The following KIF1B variants were observed in gnomAD, a reference collection of about 807,000 sequenced individuals.
The protein encoded by KIF1B is kinesin family member 1B.
In KIF1B, 76 loss-of-function variants were observed where a neutral mutation model predicts 241.9. That is an observed-to-expected ratio of 0.31 (90% CI 0.26 to 0.38). The LOEUF is 0.38. Ranked by LOEUF, KIF1B falls within the 10% of genes least tolerant of loss-of-function variation. The probability of loss-of-function intolerance (pLI) is 1.00; values close to 1 mark genes in which losing one functional copy is unlikely to be tolerated. For synonymous variants in KIF1B, 750 were observed against 796.7 expected (o/e 0.94, Z 0.99); for missense variants, 1,622 against 2,271.4 (o/e 0.71, Z 5.81).
At chr1:10,259,489 A>AT (rs1337703462) in intron 4 of KIF1B, among the ~76,000 whole-genome samples, 7 of 142,120 alleles carry the variant, frequency 4.9e-5, no homozygotes, top group Non-Finnish European at 9.1e-5. Flanking sequence ...TCATTTTTAA[A>AT]TTAAAAAAAA....
At chr1:10,373,124 TA>T (rs577253520) in intron 45 of KIF1B, among the ~76,000 whole-genome samples, 2 of 151,728 alleles carry the variant, frequency 1.3e-5, no homozygotes, top group African/African-American at 2.4e-5. Context: ...CACACCCAGC[TA>T]ATTTTTTGTA....
At chr1:10,352,558 CT>C (rs1652831822) in intron 37 of KIF1B, 72 bp from the exon 38 acceptor site, 2 of 1,327,714 alleles carry the variant, frequency 1.5e-6, no homozygotes, top group Admixed American at 1.7e-5. Context: ...TTAAAAGTCT[CT>C]TTTGGGCTTA....
chr1:10,302,408 G>A (rs1650587131), intron 22 of KIF1B, among the ~76,000 whole-genome samples: 1 of 152,166 alleles, frequency 6.6e-6, no homozygotes, highest in Non-Finnish European at 1.5e-5. Flanking sequence ...CTCTGCTCAT[G>A]GAAAGATGAT....
In KIF1B at chr1:10,353,065, G is replaced by A. The variant is rs1467653; in HGVS notation, c.4055+329G>A. On this transcript the variant is annotated intron_variant, in intron 38 of 48. Transcript: ENST00000676179. The stretch of plus-strand genomic sequence containing the variant: ...ATATTCCCCAAGGATTTAAAAGTAC[G>A]AATTAATTATTGCCAAGATTAAATT... Among the ~76,000 whole-genome samples, 80,849 of 151,912 alleles carry A rather than the reference G, an allele frequency of 0.53. 22,198 individuals are homozygous for A. The highest frequency in any genetic ancestry group is 0.67 in the African/African-American group (27,743 of 41,420).
At chr1:10,278,225 C>A in intron 13 of KIF1B, 97 bp downstream of exon 13, 1 of 1,254,428 alleles carries the variant, frequency 8.0e-7, no homozygotes, top group Non-Finnish European at 1.1e-6. Flanking sequence ...AGTTAAGGAG[C>A]ATGATGAAGC....
chr1:10,279,354 A>G (rs908648915), intron 14 of KIF1B, among the ~76,000 whole-genome samples: 8 of 152,202 alleles, frequency 5.3e-5, no homozygotes, highest in African/African-American at 9.6e-5. Flanking sequence ...TGAAGTTGAA[A>G]GGCTTAAGAA....
At chr1:10,249,780 G>A (rs1360662466) in intron 2 of KIF1B, among the ~76,000 whole-genome samples, 1 of 152,170 alleles carries the variant, frequency 6.6e-6, no homozygotes, top group Non-Finnish European at 1.5e-5. Context: ...GCACGTGCCT[G>A]TGGTCCCAGT....
At chr1:10,265,248 A>ATTTG (rs1557675149) in intron 5 of KIF1B, among the ~76,000 whole-genome samples, 1 of 116,330 alleles carries the variant, frequency 8.6e-6, no homozygotes, top group Non-Finnish European at 1.8e-5. Context: ...TTATTTATTT[A>ATTTG]TTTTTAGAGA....
chr1:10,223,553 T>G (rs12401848), intron 1 of KIF1B, among the ~76,000 whole-genome samples: 37,756 of 112,608 alleles, frequency 0.34, 6,021 homozygotes, highest in African/African-American at 0.52. Context: ...TTTGTTTTTT[T>G]TTTTTTTTTT....
intron 15 of KIF1B, among the ~76,000 whole-genome samples, chr1:10,287,852 G>A (rs1557689724): frequency 6.6e-6 from 1 of 152,098 alleles, no homozygotes; most frequent in Non-Finnish European, 1.5e-5. Flanking sequence ...TAATCAACTA[G>A]GAAGAAATAT....
chr1:10,273,731 A>C (rs1416961464), intron 10 of KIF1B, among the ~76,000 whole-genome samples: 4 of 88,790 alleles, frequency 4.5e-5, no homozygotes, highest in African/African-American at 1.2e-4. Context: ...AAAAAAAAAA[A>C]AAAAAAAACC....
intron 3 of KIF1B, among the ~76,000 whole-genome samples, chr1:10,256,573 A>G (rs911612415): frequency 6.6e-6 from 1 of 152,066 alleles, no homozygotes; most frequent in Non-Finnish European, 1.5e-5. Context: ...TTTACACCAA[A>G]TTTATACTGA....
chr1:10,324,331 T>G (rs530817402), intron 25 of KIF1B, among the ~76,000 whole-genome samples: 1 of 152,318 alleles, frequency 6.6e-6, no homozygotes, highest in South Asian at 2.1e-4. Context: ...AGTTTCATCA[T>G]ATTTCTGTTA....
chr1:10,320,208 C>T (rs1011925613), intron 23 of KIF1B, 72 bp downstream of exon 23: 20 of 1,030,418 alleles, frequency 1.9e-5, no homozygotes, highest in Admixed American at 8.7e-5. Context: ...GTCATTTATG[C>T]ATAATCAAAG....
intron 44 of KIF1B, among the ~76,000 whole-genome samples, chr1:10,369,335 T>C (rs1307022789): frequency 1.8e-4 from 27 of 152,242 alleles, no homozygotes; most frequent in Non-Finnish European, 2.9e-5. Flanking sequence ...ATACCACTTA[T>C]ATTAATTCAG....
intron 1 of KIF1B, among the ~76,000 whole-genome samples, chr1:10,217,029 A>G (rs557523857): frequency 8.5e-6 from 1 of 117,888 alleles, no homozygotes; most frequent in Non-Finnish European, 1.6e-5. Context: ...ACTGGAGTGC[A>G]GTGGCCTGAT....
At chr1:10,294,841 C>T (rs1481140295) in intron 17 of KIF1B, among the ~76,000 whole-genome samples, 3 of 152,148 alleles carry the variant, frequency 2.0e-5, no homozygotes, top group Non-Finnish European at 4.4e-5. Context: ...GTACTCTAGA[C>T]AGAGCGAGAC....
chr1:10,273,139 A>T (rs1648892996), intron 10 of KIF1B, 108 bp downstream of exon 10: 1 of 804,408 alleles, frequency 1.2e-6, no homozygotes, highest in East Asian at 2.8e-5. Context: ...AAATCTTTTC[A>T]TCATTTGTTC....
chr1:10,379,507 TG>T lies in KIF1B; in HGVS notation c.*2921del, dbSNP rs754393719. The T allele has an allele frequency of 4.7e-5, 11 of 231,678 alleles. No individual in the cohort carries two copies. Among genetic ancestry groups the T allele is most frequent in the Admixed American group, 1.1e-4 (2 of 17,738 alleles). The allele number at this position is 231,678 out of a possible 1,614,324, so 14.4% of individuals were successfully genotyped here. A position where few individuals can be genotyped will look rare whatever the true frequency, so the allele number is the denominator to read the frequency against. ...GACAGAACCATCCCCACTGTGAGGC[TG>T]TGAGAGATTTGTGGCAGGAACTGTT... On this transcript the variant is annotated 3_prime_UTR_variant, in exon 49 of 49. Coordinates refer to ENST00000676179, the MANE Select transcript of KIF1B (RefSeq NM_001365951.3).
Sources: allele counts gnomAD v4.1 joint callset (sites outside exome capture counted in the v4.1 genomes callset), GRCh38; gene constraint gnomAD v4.1.1; transcripts MANE v1.5; gene names NCBI Gene and HGNC (gene_info 2026-07-23, HGNC 2026-07-21).